MYH1: variants seen among roughly 807,000 people sequenced by gnomAD.
MYH1 encodes myosin-1.
In MYH1, 214 loss-of-function variants were observed where a neutral mutation model predicts 225.6. The observed-to-expected ratio is 0.95, with a 90% CI of 0.85 to 1.06. MYH1 has a LOEUF of 1.06. Ranked by LOEUF, MYH1 falls within the 50% of genes least tolerant of loss-of-function variation. The probability of loss-of-function intolerance (pLI) is 0.00; values close to 1 mark genes in which losing one functional copy is unlikely to be tolerated. For synonymous variants in MYH1, 774 were observed against 842.3 expected (o/e 0.92, Z 1.40); for missense variants, 2,098 against 2,344.2 (o/e 0.89, Z 2.17).
chr17:10,497,891 T>C lies in MYH1; in HGVS notation c.4208A>G (p.Asp1403Gly). Residue 1403 changes from aspartate (D) to glycine (G), a missense_variant, in exon 31 of 40, where the codon GAT becomes GGT. Coordinates refer to ENST00000226207, the MANE Select transcript of MYH1 (RefSeq NM_005963.4). ...CACAGCTTCTACATGTTCCTCAGCA[T>C]CCTGCAGACGCTGAGCCAGCTTCTT... ...AKKKLAQRLQ[D>G]AEEHVEAVNA... is the part of the protein sequence containing the mutation. 6.2e-7 allele frequency: 1 copy of C among 1,606,874 alleles called. No homozygotes were observed. Among genetic ancestry groups the C allele is most frequent in the Non-Finnish European group, 8.5e-7 (1 of 1,178,370 alleles).
intron 17 of MYH1, 25 bp from the exon 18 acceptor site, chr17:10,506,124 T>G: frequency 6.2e-7 from 1 of 1,612,664 alleles, no homozygotes. Flanking sequence ...GAGTTTATAC[T>G]TTAAAAAATG....
At chr17:10,512,309 T>C in intron 12 of MYH1, 99 bp downstream of exon 12, 1 of 1,597,116 alleles carries the variant, frequency 6.3e-7, no homozygotes, top group East Asian at 2.2e-5. Flanking sequence ...CATCTGAGTA[T>C]GTCCATCAGG....
At position 10,514,049 on chromosome 17, in the gene MYH1, C is replaced by A. The variant is rs747661678; in HGVS notation, c.609G>T (p.Gly203=). Residue 203 remains glycine (G), a synonymous_variant, in exon 7 of 40, where the codon GGG becomes GGT. Coordinates refer to ENST00000226207, the MANE Select transcript of MYH1 (RefSeq NM_005963.4). ...AAGTAACTTCTTCCTTCTTCTTCTC[C>A]CCAGTAACTGCAATTGTTGCAAAGT... ...IQYFATIAVT[G]EKKKEEVTSG... 1.2e-6 allele frequency: 2 copies of A among 1,614,176 alleles called. No homozygotes were observed. The highest frequency in any genetic ancestry group is 2.2e-5 in the East Asian group (1 of 44,882).
chr17:10,504,706 A>T, intron 22 of MYH1, 104 bp downstream of exon 22: 1 of 1,293,570 alleles, frequency 7.7e-7, no homozygotes. Context: ...ATTATTAAAG[A>T]TTCATAATCT....
chr17:10,493,028 A>G lies in MYH1; in HGVS notation c.5668-460T>C, dbSNP rs575156196. Among the ~76,000 whole-genome samples, 122 of 152,214 alleles carry G rather than the reference A, an allele frequency of 8.0e-4. 1 individual carries two copies. Among genetic ancestry groups the G allele is most frequent in the Non-Finnish European group, 8.1e-4 (55 of 68,030 alleles). ...AAATTAAGCAAGAAGTTTGTTTCCT[A>G]AAATAGTCTGAGCTGTCTCTGATTA... On this transcript the variant is annotated intron_variant, in intron 39 of 39. Transcript: ENST00000226207.
chr17:10,498,468 T>A (rs527370338), intron 30 of MYH1, among the ~76,000 whole-genome samples, 158 bp downstream of exon 30: 43 of 152,370 alleles, frequency 2.8e-4, no homozygotes, highest in Non-Finnish European at 3.1e-4. Flanking sequence ...ACATTTTGCA[T>A]CGAGAACTCC....
intron 28 of MYH1, among the ~76,000 whole-genome samples, chr17:10,500,265 T>C (rs12945715): frequency 0.42 from 63,160 of 151,798 alleles, 14,196 homozygotes; most frequent in East Asian, 0.86. Context: ...ACTGTAAGGA[T>C]GCACTTTGTT....
chr17:10,505,691 T>C, intron 19 of MYH1, 121 bp downstream of exon 19: 1 of 1,419,226 alleles, frequency 7.0e-7, no homozygotes, highest in Non-Finnish European at 9.6e-7. Flanking sequence ...CAATATGGAG[T>C]TTGTTAAGTG....
At chr17:10,507,400 G>C (rs1026766724) in intron 17 of MYH1, among the ~76,000 whole-genome samples, 3 of 152,062 alleles carry the variant, frequency 2.0e-5, no homozygotes, top group Non-Finnish European at 4.4e-5. Flanking sequence ...ATCACATCTG[G>C]TTTCTTATTT....
chr17:10,497,408 T>C lies in MYH1; in HGVS notation c.4410A>G (p.Glu1470=). 1.2e-6 allele frequency: 2 copies of C among 1,612,642 alleles called. No individual in the cohort carries two copies. The highest frequency in any genetic ancestry group is 1.7e-6 in the Non-Finnish European group (2 of 1,179,748). Residue 1470 remains glutamate, a synonymous_variant, in exon 32 of 40, where the codon GAA becomes GAG. Coordinates refer to ENST00000226207, the MANE Select transcript of MYH1 (RefSeq NM_005963.4). ...GGGATTCCTTTTGAGAAGCTTCAAGTTCAGCATGAGTTTCTTCACACTTCT... is the reference window on the plus strand; with the variant it reads ...GGGATTCCTTTTGAGAAGCTTCAAGCTCAGCATGAGTTTCTTCACACTTCT... ...WKQKCEETHA[E]LEASQKESRS...
At chr17:10,502,137 C>T (rs2073064906) in intron 24 of MYH1, among the ~76,000 whole-genome samples, 1 of 152,206 alleles carries the variant, frequency 6.6e-6, no homozygotes, top group South Asian at 2.1e-4. Context: ...ACTAGTGAGA[C>T]ATTATGCCTT....
At chr17:10,502,678 T>A in intron 24 of MYH1, 60 bp downstream of exon 24, 1 of 1,610,628 alleles carries the variant, frequency 6.2e-7, no homozygotes, top group African/African-American at 1.3e-5. Flanking sequence ...GACACAAACT[T>A]ATGCTTACTT....
intron 28 of MYH1, 69 bp from the exon 29 acceptor site, chr17:10,499,161 G>T: frequency 1.4e-6 from 2 of 1,401,572 alleles, no homozygotes; most frequent in Non-Finnish European, 2.0e-6. Flanking sequence ...AAAAACTTGA[G>T]CAGGGAAAGG....
At chr17:10,507,124 C>T (rs1364281410) in intron 17 of MYH1, among the ~76,000 whole-genome samples, 3 of 152,118 alleles carry the variant, frequency 2.0e-5, no homozygotes, top group African/African-American at 7.2e-5. Flanking sequence ...AGTACAGTGA[C>T]ATGATCTCAG....
In MYH1 at chr17:10,498,837, A is replaced by C; in HGVS notation, c.3985-15T>G. 1 of 1,613,502 alleles carries C rather than the reference A, an allele frequency of 6.2e-7. No individual in the cohort carries two copies. The highest frequency in any genetic ancestry group is 8.5e-7 in the Non-Finnish European group (1 of 1,179,786). On this transcript the variant is annotated splice_polypyrimidine_tract_variant and intron_variant, in intron 29 of 39. Coordinates refer to ENST00000226207, the MANE Select transcript of MYH1 (RefSeq NM_005963.4). ...GCACTCTTGGCCTGAGAACATAGAG[A>C]TTGATGACTTAATTTTATATATTTA...
At position 10,501,235 on chromosome 17, in the gene MYH1, C is replaced by A. The variant is rs2073052296; in HGVS notation, c.3613G>T (p.Ala1205Ser). The A allele has an allele frequency of 6.2e-7, 1 of 1,614,204 alleles. No individual in the cohort carries two copies. Residue 1205 changes from alanine to serine, a missense_variant, in exon 27 of 40, where the codon GCC becomes TCC. Coordinates refer to ENST00000226207, the MANE Select transcript of MYH1 (RefSeq NM_005963.4). Reference sequence around the variant, plus strand: ...TTGTCAATCTGCTCCCCAAGCTCGGCCACACTATCTGCATGCTTCTTCCTC... The same window carrying A: ...TTGTCAATCTGCTCCCCAAGCTCGGACACACTATCTGCATGCTTCTTCCTC... ...TLRKKHADSVAELGEQIDNLQ... is the reference protein window; with the variant it reads ...TLRKKHADSVSELGEQIDNLQ...
intron 1 of MYH1, 38 bp downstream of exon 1, chr17:10,518,482 C>T (rs112765533): frequency 1.3e-4 from 20 of 152,308 alleles, no homozygotes; most frequent in African/African-American, 4.3e-4. Flanking sequence ...CATCCCTTAC[C>T]GTCCTCCAGA....
intron 22 of MYH1, 91 bp from the exon 23 acceptor site, chr17:10,503,339 G>T: frequency 6.6e-7 from 1 of 1,526,450 alleles, no homozygotes; most frequent in Admixed American, 2.1e-5. Flanking sequence ...CAAGTAAATT[G>T]TTTTAAGCCT....
chr17:10,508,836 A>C (rs1255025575), intron 15 of MYH1, among the ~76,000 whole-genome samples, 164 bp from the exon 16 acceptor site: 1 of 152,204 alleles, frequency 6.6e-6, no homozygotes, highest in Non-Finnish European at 1.5e-5. Context: ...ACAAATATTT[A>C]TTGGGTGCTG....
Sources: gnomAD v4.1 joint callset for allele counts (sites outside exome capture counted in the v4.1 genomes callset) on GRCh38, gnomAD v4.1.1 for gene constraint, MANE v1.5 for transcripts, NCBI Gene and HGNC (gene_info 2026-07-23, HGNC 2026-07-21) for gene names.